ZNF423: variants seen among roughly 807,000 people sequenced by gnomAD.
The protein encoded by ZNF423 is Ebf-associated zinc finger protein.
In ZNF423, 12 loss-of-function variants were observed where a neutral mutation model predicts 95.8. The ratio of observed to expected loss-of-function variants is 0.13; its 90% CI spans 0.08 to 0.20. The LOEUF is 0.20. Ranked by LOEUF, ZNF423 falls within the 10% of genes least tolerant of loss-of-function variation. The pLI is 1.00. For synonymous variants in ZNF423, 749 were observed against 711.9 expected (o/e 1.05, Z -0.83); for missense variants, 1,316 against 1,737.1 (o/e 0.76, Z 4.31).
intron 7 of ZNF423, among the ~76,000 whole-genome samples, chr16:49,522,888 T>G (rs117396791): frequency 6.6e-6 from 1 of 152,168 alleles, no homozygotes; most frequent in African/African-American, 2.4e-5. Context: ...TTGCAAGAAT[T>G]TTTTGCAAAA....
chr16:49,664,434 G>A (rs907094949), intron 3 of ZNF423, among the ~76,000 whole-genome samples: 3 of 152,242 alleles, frequency 2.0e-5, no homozygotes, highest in Non-Finnish European at 2.9e-5. Flanking sequence ...GCGGCCAGAT[G>A]TTGACCCAGT....
intron 5 of ZNF423, among the ~76,000 whole-genome samples, chr16:49,544,509 T>C (rs534428192): frequency 7.9e-5 from 12 of 151,988 alleles, no homozygotes; most frequent in African/African-American, 2.7e-4. Context: ...GGGATGGGGG[T>C]CGAGGTAACA....
At chr16:49,583,594 CA>C (rs1970737867) in intron 5 of ZNF423, among the ~76,000 whole-genome samples, 1 of 152,064 alleles carries the variant, frequency 6.6e-6, no homozygotes, top group African/African-American at 2.4e-5. Context: ...TTCACACACA[CA>C]TATATATATA....
intron 3 of ZNF423, among the ~76,000 whole-genome samples, chr16:49,652,386 C>T (rs1298275283): frequency 6.6e-6 from 1 of 151,968 alleles, no homozygotes; most frequent in Non-Finnish European, 1.5e-5. Context: ...TCAGCTCACC[C>T]GAGAGCTGGC....
intron 5 of ZNF423, among the ~76,000 whole-genome samples, chr16:49,618,353 C>T (rs1233420850): frequency 6.6e-6 from 1 of 152,150 alleles, no homozygotes; most frequent in Non-Finnish European, 1.5e-5. Context: ...AGCTCTGTGT[C>T]CCCACCCAAA....
intron 2 of ZNF423, among the ~76,000 whole-genome samples, chr16:49,769,221 G>C (rs896897686): frequency 1.3e-5 from 2 of 151,982 alleles, no homozygotes; most frequent in African/African-American, 2.4e-5. Context: ...CGGGCGTGGT[G>C]GTGGGCACCT....
intron 5 of ZNF423, among the ~76,000 whole-genome samples, chr16:49,614,885 C>A (rs995369042): frequency 6.6e-6 from 1 of 152,168 alleles, no homozygotes; most frequent in Non-Finnish European, 1.5e-5. Flanking sequence ...AATCCCAGCA[C>A]TTTGGGAGGC....
At chr16:49,696,630 T>C (rs1337177341) in intron 3 of ZNF423, among the ~76,000 whole-genome samples, 2 of 152,140 alleles carry the variant, frequency 1.3e-5, no homozygotes, top group East Asian at 1.9e-4. Flanking sequence ...CCACAGAGGC[T>C]GTGACGGCAC....
At chr16:49,699,170 CA>C (rs2032082869) in intron 3 of ZNF423, among the ~76,000 whole-genome samples, 1 of 152,172 alleles carries the variant, frequency 6.6e-6, no homozygotes, top group Non-Finnish European at 1.5e-5. Flanking sequence ...TGGAAGCACC[CA>C]GGGGAGCTGG....
At chr16:49,694,079 CTGTCTAACGAGG>C (rs2031884994) in intron 3 of ZNF423, among the ~76,000 whole-genome samples, 1 of 152,224 alleles carries the variant, frequency 6.6e-6, no homozygotes, top group South Asian at 2.1e-4. Context: ...CCTCCTCAGT[CTGTCTAACGAGG>C]TTCTCCCCAT....
At chr16:49,497,330 G>A (rs1967203216) in intron 7 of ZNF423, among the ~76,000 whole-genome samples, 1 of 152,202 alleles carries the variant, frequency 6.6e-6, no homozygotes, top group Admixed American at 6.5e-5. Context: ...GACAGGTTGA[G>A]AAGCTCCAGC....
chr16:49,664,143 G>T, intron 3 of ZNF423: 1 of 985,618 alleles, frequency 1.0e-6, no homozygotes, highest in Non-Finnish European at 1.2e-6. Context: ...ATGCCAAGAG[G>T]GCCAGAACCT....
At chr16:49,734,807 C>T (rs901870808) in intron 2 of ZNF423, among the ~76,000 whole-genome samples, 1 of 152,222 alleles carries the variant, frequency 6.6e-6, no homozygotes, top group Non-Finnish European at 1.5e-5. Context: ...CACCTGCATC[C>T]TTTTGCCCAG....
At chr16:49,642,373 A>G (rs1241374089) in intron 3 of ZNF423, among the ~76,000 whole-genome samples, 1 of 152,186 alleles carries the variant, frequency 6.6e-6, no homozygotes, top group African/African-American at 2.4e-5. Flanking sequence ...GGCTTTGAAA[A>G]GGAGAATCTT....
chr16:49,821,729 C>T (rs146364610), intron 1 of ZNF423, among the ~76,000 whole-genome samples: 278 of 152,254 alleles, frequency 1.8e-3, no homozygotes, highest in African/African-American at 5.1e-3. Flanking sequence ...TCTCTTTTTC[C>T]CTCCCCCGGT....
intron 5 of ZNF423, among the ~76,000 whole-genome samples, chr16:49,582,354 G>A (rs114314766): frequency 2.0e-5 from 3 of 152,328 alleles, no homozygotes; most frequent in East Asian, 3.9e-4. Flanking sequence ...CTTCTCTGAA[G>A]CCCTCCCCAG....
At chr16:49,653,048 T>C (rs1045661556) in intron 3 of ZNF423, among the ~76,000 whole-genome samples, 11 of 152,154 alleles carry the variant, frequency 7.2e-5, no homozygotes, top group African/African-American at 2.7e-4. Flanking sequence ...GAATCAATAA[T>C]AACTCACCCT....
intron 7 of ZNF423, among the ~76,000 whole-genome samples, chr16:49,507,573 G>A (rs1967695823): frequency 6.6e-6 from 1 of 152,214 alleles, no homozygotes; most frequent in Admixed American, 6.5e-5. Context: ...GCAGGAAGCA[G>A]AGAGCCTCAC....
chr16:49,618,061 C>T (rs1438129500), intron 5 of ZNF423, among the ~76,000 whole-genome samples: 1 of 152,208 alleles, frequency 6.6e-6, no homozygotes, highest in African/African-American at 2.4e-5. Flanking sequence ...GTATCTTGTG[C>T]AAGGCCACAT....
Sources: allele counts gnomAD v4.1 joint callset (sites outside exome capture counted in the v4.1 genomes callset), GRCh38; gene constraint gnomAD v4.1.1; transcripts MANE v1.5; gene names NCBI Gene and HGNC (gene_info 2026-07-23, HGNC 2026-07-21).